The following SNX5 variants were observed in gnomAD, a reference collection of about 807,000 sequenced individuals.
The protein encoded by SNX5 is sorting nexin-5.
SNX5 carries 31 observed loss-of-function variants against 53.9 expected under a neutral mutation model. That is an observed-to-expected ratio of 0.58 (90% CI 0.43 to 0.78). The LOEUF (loss-of-function observed/expected upper bound fraction) is 0.78. Ranked by LOEUF, SNX5 falls within the 30% of genes least tolerant of loss-of-function variation. The pLI is 0.00. For synonymous variants in SNX5, 168 were observed against 171.1 expected (o/e 0.98, Z 0.14); for missense variants, 471 against 478.8 (o/e 0.98, Z 0.15).
chr20:17,955,896 A>G (rs185704987), intron 2 of SNX5, among the ~76,000 whole-genome samples: 92 of 152,254 alleles, frequency 6.0e-4, no homozygotes, highest in Middle Eastern at 6.8e-3. Context: ...CAGGCTCTTA[A>G]GCCATCCTCC....
At chr20:17,942,993 C>A in intron 12 of SNX5, 117 bp downstream of exon 12, 1 of 703,292 alleles carries the variant, frequency 1.4e-6, no homozygotes, top group Non-Finnish European at 2.6e-6. Context: ...CTAAGTACTA[C>A]AGACGATTAA....
At chr20:17,963,678 C>T (rs1329490463) in intron 1 of SNX5, among the ~76,000 whole-genome samples, 2 of 152,178 alleles carry the variant, frequency 1.3e-5, no homozygotes, top group Non-Finnish European at 2.9e-5. Context: ...CCATATTACT[C>T]ATGTGGATGA....
intron 10 of SNX5, among the ~76,000 whole-genome samples, 176 bp from the exon 11 acceptor site, chr20:17,947,821 G>T (rs1449526060): frequency 6.6e-6 from 1 of 152,196 alleles, no homozygotes; most frequent in Non-Finnish European, 1.5e-5. Flanking sequence ...TGATAGCTTT[G>T]TTGAGAGCTT....
intron 1 of SNX5, chr20:17,962,630 A>AAAAAAAAAAAAAAAAAAAAAAAAAAACT: frequency 2.5e-6 from 1 of 404,150 alleles, no homozygotes; most frequent in Non-Finnish European, 4.9e-6. Context: ...CTAACAGAAG[A>AAAAAAAAAAAAAAAAAAAAAAAAAAACT]TCTCAGTCTA....
chr20:17,942,502 G>A (rs915408375), intron 12 of SNX5, 95 bp from the exon 13 acceptor site: 1 of 952,960 alleles, frequency 1.0e-6, no homozygotes. Flanking sequence ...TTTCACGGGA[G>A]GTTTAAAGTC....
intron 4 of SNX5, among the ~76,000 whole-genome samples, chr20:17,953,563 G>T (rs78966298): frequency 0.013 from 2,049 of 152,280 alleles, 41 homozygotes; most frequent in African/African-American, 0.043. Context: ...CTGATCACTT[G>T]AACTCAGGAG....
Position 17,968,772 on chromosome 20 carries a change from C to G in SNX5, c.-347G>C. 3.0e-6 allele frequency: 1 copy of G among 329,788 alleles called. No individual in the cohort carries two copies. The highest frequency in any genetic ancestry group is 5.6e-6 in the Non-Finnish European group (1 of 177,576). The allele number at this position is 329,788 out of a possible 1,614,324, so 20.4% of individuals were successfully genotyped here. Reference sequence around the variant, plus strand: ...GGACGGGAAGCAACGGACACTCTCCCAGCAAGACGCGTCTAGAGAAAGACC... The same window carrying G: ...GGACGGGAAGCAACGGACACTCTCCGAGCAAGACGCGTCTAGAGAAAGACC... On this transcript the variant is annotated 5_prime_UTR_variant, in exon 1 of 13. Transcript: ENST00000377759.
At position 17,949,280 on chromosome 20, in the gene SNX5, C is replaced by G. The variant is rs951092081; in HGVS notation, c.792-177G>C. 1.7e-4 allele frequency among the ~76,000 whole-genome samples: 26 copies of G among 152,298 alleles called. 3 individuals are homozygous for G. Among genetic ancestry groups the G allele is most frequent in the Admixed American group, 1.2e-3 (19 of 15,294 alleles). ...CCCCAAATAGTAGAGAAAATGGTCACAAAATTACACACATGTACAGCACCA... is the reference window on the plus strand; with the variant it reads ...CCCCAAATAGTAGAGAAAATGGTCAGAAAATTACACACATGTACAGCACCA... On this transcript the variant is annotated intron_variant, in intron 8 of 12. Coordinates refer to ENST00000377759, the MANE Select transcript of SNX5 (RefSeq NM_014426.4).
rs778636987 is a variant in SNX5 at position 17,954,131 on chromosome 20, AG to A, written c.268-15del. 1.3e-5 allele frequency: 21 copies of A among 1,612,840 alleles called. No homozygotes were observed. In the South Asian group the frequency reaches 1.4e-4, roughly 11 times the overall value. Reference sequence around the variant, plus strand: ...AGCAGGTGGAATCTGCAGCAGAGGCAGGAACTCATGAGCCTCTTGTCCCAGC... The same window carrying A: ...AGCAGGTGGAATCTGCAGCAGAGGCAGAACTCATGAGCCTCTTGTCCCAGC... On this transcript the variant is annotated splice_polypyrimidine_tract_variant and intron_variant, in intron 3 of 12. Coordinates refer to ENST00000377759, the MANE Select transcript of SNX5 (RefSeq NM_014426.4).
chr20:17,951,671 T>G, intron 5 of SNX5, 76 bp from the exon 6 acceptor site: 6 of 973,186 alleles, frequency 6.2e-6, no homozygotes, highest in Non-Finnish European at 9.9e-6. Flanking sequence ...CTGAGTAACA[T>G]TTTAAGTAAT....
intron 1 of SNX5, chr20:17,962,720 T>C (rs763461636): frequency 5.8e-6 from 3 of 518,804 alleles, no homozygotes; most frequent in Non-Finnish European, 1.2e-5. Flanking sequence ...GTGATCAGAT[T>C]TTCACCACTC....
Position 17,950,338 on chromosome 20 carries a change from A to G in SNX5, c.668T>C (p.Ile223Thr), listed in dbSNP as rs753263158. The G allele has an allele frequency of 1.2e-6, 2 of 1,613,622 alleles. No individual in the cohort carries two copies. Among genetic ancestry groups the G allele is most frequent in the African/African-American group, 2.7e-5 (2 of 74,914 alleles). The stretch of plus-strand genomic sequence containing the variant: ...GTCAGCTTTCACACAAGAATCTTTG[A>G]TCCTATTGTAATAGTTAATAAGGAA... ...KNFLINYYNR[I>T]KDSCVKADKM... Residue 223 changes from isoleucine to threonine, a missense_variant, in exon 7 of 13, where the codon ATC (isoleucine) becomes ACC (threonine). Ile to Thr is a moderately conservative substitution (Grantham distance 89). Transcript: ENST00000377759.
chr20:17,944,824 C>A (rs1162225525), intron 11 of SNX5: 2 of 152,256 alleles, frequency 1.3e-5, no homozygotes, highest in South Asian at 4.1e-4. Context: ...GGATTACAGG[C>A]GTGAGCCACT....
At chr20:17,952,838 T>C in intron 4 of SNX5, 128 bp from the exon 5 acceptor site, 1 of 1,122,530 alleles carries the variant, frequency 8.9e-7, no homozygotes, top group Non-Finnish European at 1.2e-6. Context: ...CAAACAGTAT[T>C]TCAGTATAAA....
chr20:17,957,251 T>C (rs575491239), intron 1 of SNX5, among the ~76,000 whole-genome samples: 3 of 152,024 alleles, frequency 2.0e-5, no homozygotes, highest in Non-Finnish European at 4.4e-5. Flanking sequence ...CTGGCTAACA[T>C]GGTGAAACCC....
In SNX5 at chr20:17,945,942, C is replaced by T. The variant is rs145895945; in HGVS notation, c.1078+1544G>A. The stretch of plus-strand genomic sequence containing the variant: ...GATATGAATTTTTCATGGAAACACG[C>T]GTTAGGGGGTTGGGATTGAGTCCAA... On this transcript the variant is annotated intron_variant, in intron 11 of 12. Coordinates refer to ENST00000377759, the MANE Select transcript of SNX5 (RefSeq NM_014426.4). 1.5e-4 allele frequency among the ~76,000 whole-genome samples: 23 copies of T among 152,182 alleles called. No homozygotes were observed. The East Asian group carries it at 2.3e-3, about 15-fold the overall frequency.
chr20:17,942,720 T>C (rs2122333618), intron 12 of SNX5: 2 of 414,096 alleles, frequency 4.8e-6, no homozygotes, highest in Middle Eastern at 6.4e-4. Context: ...TATCAGTGCG[T>C]TGTTCCATGA....
intron 5 of SNX5, 132 bp from the exon 6 acceptor site, chr20:17,951,727 C>A: frequency 1.6e-6 from 1 of 610,906 alleles, no homozygotes; most frequent in East Asian, 2.8e-5. Context: ...TTTAATTCTG[C>A]CTTAACCTCC....
intron 2 of SNX5, 127 bp from the exon 3 acceptor site, chr20:17,955,602 G>A (rs1262565309): frequency 3.3e-6 from 2 of 611,418 alleles, no homozygotes; most frequent in South Asian, 2.1e-5. Flanking sequence ...GAACAAAGCA[G>A]TTATACATGA....
Sources: gnomAD v4.1 joint callset for allele counts (sites outside exome capture counted in the v4.1 genomes callset) on GRCh38, gnomAD v4.1.1 for gene constraint, MANE v1.5 for transcripts, NCBI Gene and HGNC (gene_info 2026-07-23, HGNC 2026-07-21) for gene names.